The following C10orf143 variants were observed in gnomAD, a reference collection of about 807,000 sequenced individuals.
C10orf143 encodes the protein uncharacterized protein C10orf143.
chr10:130,096,680 C>A (rs1485070125), intron 1 of C10orf143, among the ~76,000 whole-genome samples: 1 of 149,486 alleles, frequency 6.7e-6, no homozygotes, highest in Non-Finnish European at 1.5e-5. Context: ...ACATCACACA[C>A]CCACACACTG....
intron 1 of C10orf143, among the ~76,000 whole-genome samples, chr10:130,093,146 A>G (rs1291174552): frequency 6.6e-6 from 1 of 152,222 alleles, no homozygotes; most frequent in African/African-American, 2.4e-5. Context: ...CACTTATTCT[A>G]AAATTGACCA....
At chr10:130,108,607 A>C (rs1013394325) in intron 1 of C10orf143, 1 of 524,988 alleles carries the variant, frequency 1.9e-6, no homozygotes, top group African/African-American at 1.9e-5. Context: ...TTAAATATGA[A>C]TCTTATAAGT....
chr10:130,043,971 C>T (rs1027073054), intron 3 of C10orf143, among the ~76,000 whole-genome samples: 8 of 151,550 alleles, frequency 5.3e-5, no homozygotes, highest in Non-Finnish European at 1.0e-4. Flanking sequence ...GGACAGTGCC[C>T]AGGGGCCTTT....
chr10:130,080,321 T>G (rs1711737636), intron 1 of C10orf143, among the ~76,000 whole-genome samples: 1 of 152,242 alleles, frequency 6.6e-6, no homozygotes, highest in Non-Finnish European at 1.5e-5. Flanking sequence ...TACTTCTGTG[T>G]CTCACTGGCA....
At chr10:130,050,939 C>T (rs887447534) in intron 3 of C10orf143, among the ~76,000 whole-genome samples, 6 of 152,192 alleles carry the variant, frequency 3.9e-5, no homozygotes, top group Non-Finnish European at 7.4e-5. Flanking sequence ...CCATCTCAGG[C>T]TGTGGAGGGA....
rs1192393883 is a variant in C10orf143, at chr10:130,065,724, T to C, written c.298-1341A>G. On this transcript the variant is annotated intron_variant, in intron 3 of 3. Transcript: ENST00000637128. This position sits in a 1 kb window ranked among gnomAD's most constrained non-coding sequence, Gnocchi z 4.2. ...ATTCTCGAGGTCTTTCACAGTCTAA[T>C]GGACATCAAGTCTCTAAAAGGCAGG... 2 of 152,274 alleles carry C rather than the reference T, an allele frequency of 1.3e-5. No individual in the cohort carries two copies. Among genetic ancestry groups the C allele is most frequent in the Admixed American group, 1.3e-4 (2 of 15,286 alleles). The allele number at this position is 152,274 out of a possible 1,614,324, so 9.4% of individuals were successfully genotyped here.
At chr10:130,106,824 A>C in intron 1 of C10orf143, 1 of 1,188,898 alleles carries the variant, frequency 8.4e-7, no homozygotes. Context: ...CTAAATGATA[A>C]AGAAAATCAC....
At chr10:130,050,988 G>A (rs961647267) in intron 3 of C10orf143, among the ~76,000 whole-genome samples, 1 of 152,178 alleles carries the variant, frequency 6.6e-6, no homozygotes, top group East Asian at 1.9e-4. Context: ...CGGCCCGTGC[G>A]TGGACAGGTG....
intron 1 of C10orf143, among the ~76,000 whole-genome samples, chr10:130,092,461 C>G (rs1380555045): frequency 1.3e-5 from 2 of 152,202 alleles, no homozygotes; most frequent in Non-Finnish European, 2.9e-5. Context: ...ACTGCAAAAA[C>G]ATACCAAATT....
chr10:130,058,255 C>G (rs1171751), intron 3 of C10orf143, among the ~76,000 whole-genome samples: 138,735 of 152,212 alleles, frequency 0.91, 63,445 homozygotes, highest in Non-Finnish European at 0.94. Context: ...TAGGAGTGAG[C>G]GTCTGGAGAA....
In C10orf143 at chr10:130,054,312, T is replaced by C. The variant is rs551546027; in HGVS notation, c.298-18342A>G. 2.6e-4 allele frequency among the ~76,000 whole-genome samples: 39 copies of C among 152,350 alleles called. No homozygotes were observed. The South Asian group carries it at 6.2e-3, about 24-fold the overall frequency. On this transcript the variant is annotated intron_variant and NMD_transcript_variant, in intron 3 of 5. Transcript: ENST00000643056. ...GTCTGGCTTGTTTCACTTAGCATGA[T>C]GTCCTCCAGCTTTGTCCATGTTGTC...
At chr10:130,105,408 G>A (rs1861624272) in intron 1 of C10orf143, among the ~76,000 whole-genome samples, 1 of 152,130 alleles carries the variant, frequency 6.6e-6, no homozygotes, top group Non-Finnish European at 1.5e-5. Context: ...TGTATCATGG[G>A]AATAATTTAG....
intron 3 of C10orf143, among the ~76,000 whole-genome samples, chr10:130,072,422 T>A (rs977271951): frequency 6.6e-6 from 1 of 152,328 alleles, no homozygotes; most frequent in African/African-American, 2.4e-5. Flanking sequence ...TGACTCCTAA[T>A]TACACTTTTA....
At chr10:130,036,655 C>G (rs1380441430) in intron 3 of C10orf143, among the ~76,000 whole-genome samples, 1 of 152,208 alleles carries the variant, frequency 6.6e-6, no homozygotes, top group African/African-American at 2.4e-5. Context: ...AAGAGGGAAG[C>G]CCACATGGCT....
intron 3 of C10orf143, among the ~76,000 whole-genome samples, chr10:130,073,665 G>A (rs1185904915): frequency 6.6e-6 from 1 of 151,928 alleles, no homozygotes; most frequent in Non-Finnish European, 1.5e-5. Context: ...AGCAGGAGGG[G>A]GACACATCTG....
chr10:130,048,333 G>A (rs1241846588), intron 3 of C10orf143, among the ~76,000 whole-genome samples: 1 of 152,164 alleles, frequency 6.6e-6, no homozygotes, highest in African/African-American at 2.4e-5. Context: ...CCAGTCTGTG[G>A]GTGCCCCTCC....
intron 1 of C10orf143, among the ~76,000 whole-genome samples, chr10:130,089,095 A>G (rs939636813): frequency 6.6e-6 from 1 of 152,224 alleles, no homozygotes; most frequent in African/African-American, 2.4e-5. Context: ...CCAACACTCA[A>G]AGTAAGAGGG....
intron 3 of C10orf143, among the ~76,000 whole-genome samples, chr10:130,045,090 C>A (rs756579910): frequency 3.9e-5 from 6 of 152,220 alleles, no homozygotes; most frequent in Non-Finnish European, 7.3e-5. Flanking sequence ...CCCCCACTGC[C>A]TGTGGAGGTG....
At position 130,055,382 on chromosome 10, in the gene C10orf143, T is replaced by C. The variant is rs368146275; in HGVS notation, c.298-19412A>G. Reference sequence around the variant, plus strand: ...TGATAAAAGGTCAATTACCAAAATATATAAGGAATTCACACAACTCAAAAG... The same window carrying C: ...TGATAAAAGGTCAATTACCAAAATACATAAGGAATTCACACAACTCAAAAG... On this transcript the variant is annotated intron_variant and NMD_transcript_variant, in intron 3 of 5. Transcript: ENST00000643056. Among the ~76,000 whole-genome samples the C allele has an allele frequency of 4.6e-5, 7 of 152,094 alleles. No individual in the cohort carries two copies. The South Asian group carries it at 8.3e-4, about 18-fold the overall frequency.
Sources: gnomAD v4.1 joint callset for allele counts (sites outside exome capture counted in the v4.1 genomes callset) on GRCh38, gnomAD v4.1.1 for gene constraint, Gnocchi (gnomAD v3.1) non-coding constraint, MANE v1.5 for transcripts, NCBI Gene and HGNC (gene_info 2026-07-23, HGNC 2026-07-21) for gene names.